RORA: variants seen among roughly 807,000 people sequenced by gnomAD.
RORA encodes the protein nuclear receptor ROR-alpha.
Under a neutral mutation model 69.5 loss-of-function variants are expected in RORA, and 7 were observed. The ratio of observed to expected loss-of-function variants is 0.10; its 90% CI spans 0.06 to 0.19. The LOEUF (loss-of-function observed/expected upper bound fraction) is 0.19, where lower values mean the gene tolerates loss of function less well. Among genes scored for constraint, RORA ranks in the 10% least tolerant of loss-of-function variants. RORA has a pLI of 1.00. For missense variants in RORA, 457 were observed against 663.0 expected (o/e 0.69, Z 3.41); for synonymous variants, 261 against 240.8 (o/e 1.08, Z -0.78).
chr15:61,124,692 G>A (rs2079129247), intron 1 of RORA, among the ~76,000 whole-genome samples: 1 of 152,074 alleles, frequency 6.6e-6, no homozygotes, highest in Non-Finnish European at 1.5e-5. Flanking sequence ...CTGCCTGGGA[G>A]CAATAAAACC....
chr15:61,180,143 CAAAAAA>C (rs71456351), intron 1 of RORA, among the ~76,000 whole-genome samples: 1 of 36,690 alleles, frequency 2.7e-5, no homozygotes, highest in African/African-American at 9.6e-5. Context: ...GACTCCATCT[CAAAAAA>C]AAAAAAAAAA....
chr15:61,010,554 C>G (rs148986102), intron 1 of RORA, among the ~76,000 whole-genome samples: 8 of 152,316 alleles, frequency 5.3e-5, no homozygotes, highest in Non-Finnish European at 1.0e-4. Context: ...ACAATCCAAA[C>G]ATCCCAGGGG....
intron 2 of RORA, chr15:60,546,398 T>C (rs2067071037): frequency 6.6e-6 from 1 of 152,184 alleles, no homozygotes; most frequent in South Asian, 2.1e-4. Flanking sequence ...GATTTTGAGA[T>C]CGTGAGAGAC....
chr15:60,854,867 C>T (rs898104200), intron 1 of RORA, among the ~76,000 whole-genome samples: 1 of 152,192 alleles, frequency 6.6e-6, no homozygotes, highest in Admixed American at 6.5e-5. Flanking sequence ...TGGCCTCCTT[C>T]CTTTCCAGAA....
Position 60,592,695 on chromosome 15 carries a change from C to T in RORA, c.197-60844G>A, listed in dbSNP as rs899743863. ...CCAGCGCCGCGCCCCGCCCCGCCCC[C>T]GCGGGCAGGTGAGTAGCAGCGGCGG... On this transcript the variant is annotated intron_variant, in intron 2 of 10. Coordinates refer to ENST00000335670, the MANE Select transcript of RORA (RefSeq NM_134261.3). 10 of 1,040,488 alleles carry T rather than the reference C, an allele frequency of 9.6e-6. No individual in the cohort carries two copies. The African/African-American group carries it at 1.0e-4, about 11-fold the overall frequency. The allele number at this position is 1,040,488 out of a possible 1,614,324, so 64.5% of individuals were successfully genotyped here.
chr15:61,046,703 G>C (rs1897045289), intron 1 of RORA, among the ~76,000 whole-genome samples: 1 of 152,168 alleles, frequency 6.6e-6, no homozygotes, highest in African/African-American at 2.4e-5. Flanking sequence ...GCAGGATCCA[G>C]GACTGAACTG....
At chr15:60,526,097 G>A (rs535835331) in intron 3 of RORA, among the ~76,000 whole-genome samples, 4 of 152,242 alleles carry the variant, frequency 2.6e-5, no homozygotes, top group South Asian at 2.1e-4. Flanking sequence ...AAGAGCAGGC[G>A]GCCTCATTCA....
chr15:60,748,789 G>A (rs964848550), intron 1 of RORA, among the ~76,000 whole-genome samples: 11 of 152,148 alleles, frequency 7.2e-5, no homozygotes, highest in Admixed American at 3.9e-4. Context: ...GTTGGGGTAT[G>A]TTTCAGCAAC....
rs59914367 is a variant in RORA at position 61,061,354 on chromosome 15, A to AAAATAAATAAATAAAT, written c.166+167683_166+167698dup. ...GAGACAGAGCGAGGCTCTATCTTAAAAAATAAATAAATAAATAAATAAATA... is the reference window on the plus strand; with the variant it reads ...GAGACAGAGCGAGGCTCTATCTTAAAAAATAAATAAATAAATAAATAAATAAATAAATAAATAAATA... On this transcript the variant is annotated intron_variant, in intron 1 of 10. Transcript: ENST00000335670. The surrounding 1 kb of genome is among the most constrained non-coding windows in gnomAD (Gnocchi z 4.4). 5.8e-5 allele frequency among the ~76,000 whole-genome samples: 8 copies of AAAATAAATAAATAAAT among 137,160 alleles called. No homozygotes were observed. The highest frequency in any genetic ancestry group is 2.4e-4 in the South Asian group (1 of 4,104). 90.0% of individuals were successfully genotyped at this position (137,160 alleles called of 152,430 possible).
chr15:60,876,330 C>A, intron 1 of RORA, among the ~76,000 whole-genome samples: 1 of 130,252 alleles, frequency 7.7e-6, no homozygotes, highest in African/African-American at 2.9e-5. Context: ...GGGGGGGCGG[C>A]TAGGAGACCA....
At chr15:61,170,479 G>A (rs1260543402) in intron 1 of RORA, among the ~76,000 whole-genome samples, 2 of 152,040 alleles carry the variant, frequency 1.3e-5, no homozygotes, top group African/African-American at 2.4e-5. Context: ...CACTGAGCTC[G>A]CCTAGTTAAT....
At chr15:60,805,340 G>C (rs1266928861) in intron 1 of RORA, among the ~76,000 whole-genome samples, 1 of 152,212 alleles carries the variant, frequency 6.6e-6, no homozygotes, top group Non-Finnish European at 1.5e-5. Flanking sequence ...AGGAAAGACA[G>C]AGAGAAAGAG....
chr15:61,182,013 G>A (rs1033003562), intron 1 of RORA, among the ~76,000 whole-genome samples: 4 of 152,142 alleles, frequency 2.6e-5, no homozygotes, highest in African/African-American at 9.7e-5. Context: ...TCATTCATTA[G>A]CCTGATTTCA....
intron 1 of RORA, among the ~76,000 whole-genome samples, chr15:60,880,069 G>A (rs1292700029): frequency 1.3e-5 from 2 of 152,180 alleles, no homozygotes; most frequent in Non-Finnish European, 2.9e-5. Flanking sequence ...ACAGACAAAT[G>A]TGTAAGTTGT....
At chr15:60,729,651 C>T (rs535933873) in intron 1 of RORA, among the ~76,000 whole-genome samples, 1 of 152,292 alleles carries the variant, frequency 6.6e-6, no homozygotes, top group African/African-American at 2.4e-5. Context: ...GACAGGAACC[C>T]TGTCTGTATT....
At chr15:60,570,843 G>C (rs1033047658) in intron 2 of RORA, among the ~76,000 whole-genome samples, 12 of 152,126 alleles carry the variant, frequency 7.9e-5, no homozygotes, top group Admixed American at 7.9e-4. Flanking sequence ...GTGTGATGCT[G>C]GGCAGCCACT....
At chr15:60,740,794 T>C (rs1006966635) in intron 1 of RORA, among the ~76,000 whole-genome samples, 2 of 151,328 alleles carry the variant, frequency 1.3e-5, no homozygotes, top group South Asian at 2.1e-4. Context: ...TCATAGAGCC[T>C]CTCTCTCTCT....
chr15:61,201,282 A>G (rs1171402924), intron 1 of RORA, among the ~76,000 whole-genome samples: 1 of 152,138 alleles, frequency 6.6e-6, no homozygotes, highest in African/African-American at 2.4e-5. Context: ...TCCTCACTCA[A>G]AATAAAGGGA....
intron 1 of RORA, among the ~76,000 whole-genome samples, chr15:61,207,410 G>A (rs151129308): frequency 6.6e-6 from 1 of 152,324 alleles, no homozygotes; most frequent in African/African-American, 2.4e-5. Context: ...AGAATCATTT[G>A]AGGAGCATCC....
Sources: allele counts gnomAD v4.1 joint callset (sites outside exome capture counted in the v4.1 genomes callset), GRCh38; gene constraint gnomAD v4.1.1; non-coding constraint Gnocchi (gnomAD v3.1); transcripts MANE v1.5; gene names NCBI Gene and HGNC (gene_info 2026-07-23, HGNC 2026-07-21).